The following PRKAR2A variants were observed in gnomAD, a reference collection of about 807,000 sequenced individuals.
PRKAR2A encodes the protein protein kinase cAMP-dependent type II regulatory subunit alpha, also known as cAMP-dependent protein kinase type II-alpha regulatory subunit.
A neutral mutation model predicts 51.9 loss-of-function variants in PRKAR2A; 29 were observed. The observed-to-expected ratio is 0.56, with a 90% CI of 0.42 to 0.76. The LOEUF is 0.76. Ranked by LOEUF, PRKAR2A falls within the 30% of genes least tolerant of loss-of-function variation. The pLI, the probability that PRKAR2A is intolerant of heterozygous loss-of-function variation, is 0.00. For missense variants in PRKAR2A, 445 were observed against 512.1 expected (o/e 0.87, Z 1.26); for synonymous variants, 178 against 186.2 (o/e 0.96, Z 0.36).
chr3:48,817,440 T>C (rs1436095482), intron 1 of PRKAR2A, among the ~76,000 whole-genome samples: 1 of 151,796 alleles, frequency 6.6e-6, no homozygotes, highest in Non-Finnish European at 1.5e-5. Flanking sequence ...TCACCTAAGG[T>C]CTGGAGTTCG....
At chr3:48,808,581 A>G (rs2082718671) in intron 1 of PRKAR2A, among the ~76,000 whole-genome samples, 1 of 120,620 alleles carries the variant, frequency 8.3e-6, no homozygotes, top group Non-Finnish European at 1.8e-5. Flanking sequence ...GAGTTTCATC[A>G]TGTTGGCCAG....
intron 5 of PRKAR2A, among the ~76,000 whole-genome samples, chr3:48,777,255 C>A (rs2082119221): frequency 6.6e-6 from 1 of 152,164 alleles, no homozygotes; most frequent in Admixed American, 6.6e-5. Context: ...TAAACCTTTT[C>A]ATACCCTTTT....
intron 6 of PRKAR2A, among the ~76,000 whole-genome samples, chr3:48,769,192 C>A (rs1341290914): frequency 2.8e-5 from 4 of 143,642 alleles, no homozygotes; most frequent in Non-Finnish European, 6.0e-5. Flanking sequence ...GAGTCTCGCT[C>A]TGCCACCCAG....
chr3:48,788,281 G>A (rs999303883), intron 4 of PRKAR2A, among the ~76,000 whole-genome samples: 2 of 151,692 alleles, frequency 1.3e-5, no homozygotes, highest in East Asian at 3.9e-4. Context: ...CGCCCACTTC[G>A]GCCTCCCAAA....
At chr3:48,835,171 A>C (rs2083260749) in intron 1 of PRKAR2A, among the ~76,000 whole-genome samples, 1 of 151,676 alleles carries the variant, frequency 6.6e-6, no homozygotes, top group Non-Finnish European at 1.5e-5. Flanking sequence ...GGGTTTCCCC[A>C]TGTTGGCCAG....
intron 3 of PRKAR2A, among the ~76,000 whole-genome samples, chr3:48,792,392 G>A (rs975352451): frequency 4.0e-5 from 6 of 149,768 alleles, no homozygotes; most frequent in African/African-American, 4.9e-5. Flanking sequence ...CGCCTGCCTC[G>A]GCCTCCCAAA....
chr3:48,840,811 C>G (rs558576593), intron 1 of PRKAR2A, among the ~76,000 whole-genome samples: 3 of 149,360 alleles, frequency 2.0e-5, no homozygotes, highest in African/African-American at 7.4e-5. Context: ...CTCCTGACCT[C>G]GTGATCCGCC....
chr3:48,776,260 C>A (rs577369222), intron 5 of PRKAR2A, among the ~76,000 whole-genome samples: 4 of 152,222 alleles, frequency 2.6e-5, no homozygotes, highest in African/African-American at 9.6e-5. Context: ...TCAGTTTCTG[C>A]AAGGTAATTA....
intron 3 of PRKAR2A, among the ~76,000 whole-genome samples, chr3:48,791,571 C>T (rs1309551356): frequency 8.1e-5 from 9 of 110,618 alleles, no homozygotes; most frequent in African/African-American, 2.2e-4. Flanking sequence ...TGTAGCCTGG[C>T]GACAGAGCAA....
chr3:48,782,785 C>T (rs555078541), intron 5 of PRKAR2A, among the ~76,000 whole-genome samples: 1 of 152,300 alleles, frequency 6.6e-6, no homozygotes, highest in East Asian at 1.9e-4. Context: ...TAAATGATTG[C>T]TCTTCAAATA....
intron 4 of PRKAR2A, among the ~76,000 whole-genome samples, chr3:48,788,575 T>C (rs1018604074): frequency 5.9e-5 from 9 of 152,158 alleles, no homozygotes; most frequent in Admixed American, 3.9e-4. Flanking sequence ...ACTAAATGTT[T>C]ATGTCACCCC....
At chr3:48,781,673 C>T (rs1400560015) in intron 5 of PRKAR2A, among the ~76,000 whole-genome samples, 1 of 151,900 alleles carries the variant, frequency 6.6e-6, no homozygotes, top group African/African-American at 2.4e-5. Context: ...CCACCATGCC[C>T]AGATAATTTT....
rs1029851037 is a variant in PRKAR2A at position 48,748,443 on chromosome 3, T to G, written c.*3142A>C. 19 of 152,086 alleles carry G rather than the reference T, an allele frequency of 1.2e-4. No homozygotes were observed. The highest frequency in any genetic ancestry group is 2.5e-4 in the Non-Finnish European group (17 of 68,066). 9.4% of individuals were successfully genotyped at this position (152,086 alleles called of 1,614,324 possible). A position where few individuals can be genotyped will look rare whatever the true frequency, so the allele number is the denominator to read the frequency against. On this transcript the variant is annotated 3_prime_UTR_variant, in exon 11 of 11. Coordinates refer to ENST00000265563, the MANE Select transcript of PRKAR2A (RefSeq NM_004157.4). ...GCCACTATGCCCAACCTGAGCAGGATGACTTAAACCTGATCAATTCTACTC... is the reference window on the plus strand; with the variant it reads ...GCCACTATGCCCAACCTGAGCAGGAGGACTTAAACCTGATCAATTCTACTC...
In PRKAR2A at chr3:48,750,356, T is replaced by A. The variant is rs1043587152; in HGVS notation, c.*1229A>T. The A allele has an allele frequency of 2.0e-5, 3 of 152,412 alleles. No individual in the cohort carries two copies. The highest frequency in any genetic ancestry group is 4.4e-5 in the Non-Finnish European group (3 of 68,440). 9.4% of individuals were successfully genotyped at this position (152,412 alleles called of 1,614,324 possible). A position where few individuals can be genotyped will look rare whatever the true frequency, so the allele number is the denominator to read the frequency against. On this transcript the variant is annotated 3_prime_UTR_variant, in exon 11 of 11. Coordinates refer to ENST00000265563, the MANE Select transcript of PRKAR2A (RefSeq NM_004157.4). The stretch of plus-strand genomic sequence containing the variant: ...CCAGCCTGGGCAACAAGAGCGAAAC[T>A]CCGTCTCAAAAAGAAAACAAAAAAA...
intron 8 of PRKAR2A, among the ~76,000 whole-genome samples, chr3:48,760,666 T>TAAA (rs534005882): frequency 9.4e-6 from 1 of 106,938 alleles, no homozygotes. Flanking sequence ...CTGTCTTTAC[T>TAAA]AAAAAAAAAA....
At position 48,847,847 on chromosome 3, in the gene PRKAR2A, G is replaced by T. The variant is rs1269403260; in HGVS notation, c.-251C>A. 14 of 351,138 alleles carry T rather than the reference G, an allele frequency of 4.0e-5. No homozygotes were observed. Among genetic ancestry groups the T allele is most frequent in the Non-Finnish European group, 5.5e-5 (11 of 198,232 alleles). 21.8% of individuals were successfully genotyped at this position (351,138 alleles called of 1,614,324 possible). A position where few individuals can be genotyped will look rare whatever the true frequency, so the allele number is the denominator to read the frequency against. On this transcript the variant is annotated 5_prime_UTR_variant, in exon 1 of 11. Transcript: ENST00000265563. This position sits in a 1 kb window ranked among gnomAD's most constrained non-coding sequence, Gnocchi z 4.4. Reference sequence around the variant, plus strand: ...GCGGGGACCGACGGGCAGGCGAGCTGGACGGGCGGGGCAGGCGTCCTGGTT... The same window carrying T: ...GCGGGGACCGACGGGCAGGCGAGCTTGACGGGCGGGGCAGGCGTCCTGGTT...
intron 1 of PRKAR2A, among the ~76,000 whole-genome samples, chr3:48,822,376 T>A (rs967678855): frequency 1.3e-5 from 2 of 152,066 alleles, no homozygotes; most frequent in Non-Finnish European, 2.9e-5. Flanking sequence ...CAAACTTCCA[T>A]GGCCACAGAA....
intron 4 of PRKAR2A, 49 bp from the exon 5 acceptor site, chr3:48,783,141 A>T: frequency 5.0e-6 from 6 of 1,208,402 alleles, no homozygotes; most frequent in Non-Finnish European, 7.3e-6. Context: ...ATATGCTGAA[A>T]AAAAGCAGTG....
chr3:48,830,187 G>A (rs1465181545), intron 1 of PRKAR2A, among the ~76,000 whole-genome samples: 1 of 149,806 alleles, frequency 6.7e-6, no homozygotes, highest in Non-Finnish European at 1.5e-5. Context: ...TGGGCGACAA[G>A]AGCGAAGCTC....
Sources: gnomAD v4.1 joint callset for allele counts (sites outside exome capture counted in the v4.1 genomes callset) on GRCh38, gnomAD v4.1.1 for gene constraint, Gnocchi (gnomAD v3.1) non-coding constraint, MANE v1.5 for transcripts, NCBI Gene and HGNC (gene_info 2026-07-23, HGNC 2026-07-21) for gene names.